TENM3: variants seen among roughly 807,000 people sequenced by gnomAD.
TENM3 encodes the protein teneurin transmembrane protein 3, also known as teneurin-3.
TENM3 carries 63 observed loss-of-function variants against 255.1 expected under a neutral mutation model. That is an observed-to-expected ratio of 0.25 (90% CI 0.20 to 0.30). The LOEUF (loss-of-function observed/expected upper bound fraction) is 0.30. TENM3 is among the 10% of genes least tolerant of loss of function. The pLI is 1.00. For synonymous variants in TENM3, 1,306 were observed against 1,322.3 expected, an observed-to-expected ratio of 0.99 and a Z score of 0.27; for missense variants, 2,929 against 3,461.1, an observed-to-expected ratio of 0.85 and a Z score of 3.86.
the TENM3 span, among the ~76,000 whole-genome samples, chr4:181,472,332 C>T: frequency 6.6e-6 from 1 of 150,886 alleles, no homozygotes; most frequent in African/African-American, 2.4e-5. Context: ...GGTGGAAGGA[C>T]CCTTACAACA....
chr4:182,139,943 G>A (rs1044723078), upstream of TENM3, among the ~76,000 whole-genome samples: 3 of 152,248 alleles, frequency 2.0e-5, no homozygotes, highest in African/African-American at 7.2e-5. Flanking sequence ...CATGCACATT[G>A]AGAGAGGCTT....
chr4:181,967,057 T>A, the TENM3 span, among the ~76,000 whole-genome samples: 1 of 152,074 alleles, frequency 6.6e-6, no homozygotes, highest in Non-Finnish European at 1.5e-5. Context: ...TTTCTTTTCA[T>A]GCAGTTATGT....
intron 4 of TENM3, among the ~76,000 whole-genome samples, chr4:182,620,487 C>G (rs1750013790): frequency 6.6e-6 from 1 of 152,180 alleles, no homozygotes; most frequent in Non-Finnish European, 1.5e-5. Flanking sequence ...CAAATATTCT[C>G]TGCTATAGAA....
the TENM3 span, among the ~76,000 whole-genome samples, chr4:182,102,786 C>T: frequency 1.3e-5 from 2 of 152,150 alleles, no homozygotes; most frequent in Admixed American, 1.3e-4. Context: ...CTTCAGTCTC[C>T]TTACCTATAA....
At chr4:181,582,680 A>G in the TENM3 span, among the ~76,000 whole-genome samples, 5 of 147,874 alleles carry the variant, frequency 3.4e-5, no homozygotes, top group African/African-American at 1.0e-4. Flanking sequence ...AAAAAAAAAA[A>G]AAAAAAGAAA....
intron 1 of TENM3, among the ~76,000 whole-genome samples, chr4:182,296,773 T>G (rs905682139): frequency 6.6e-6 from 1 of 152,168 alleles, no homozygotes; most frequent in Non-Finnish European, 1.5e-5. Flanking sequence ...AGAGCTCAAT[T>G]TTTTTTTCTT....
chr4:182,503,993 A>T (rs113647169), intron 3 of TENM3, among the ~76,000 whole-genome samples: 1 of 151,598 alleles, frequency 6.6e-6, no homozygotes, highest in Non-Finnish European at 1.5e-5. Context: ...ACTATCTGAC[A>T]TATTATCTAA....
At chr4:182,533,102 G>A (rs1739936044) in intron 3 of TENM3, among the ~76,000 whole-genome samples, 1 of 152,204 alleles carries the variant, frequency 6.6e-6, no homozygotes, top group Non-Finnish European at 1.5e-5. Flanking sequence ...ATTGTAGCAG[G>A]TAAACTTTCA....
At chr4:182,160,077 A>G (rs1241564751) in intron 1 of TENM3, among the ~76,000 whole-genome samples, 4 of 149,472 alleles carry the variant, frequency 2.7e-5, no homozygotes, top group Non-Finnish European at 4.5e-5. Context: ...ATCTCGGCTC[A>G]CTGCAAGCTC....
At chr4:181,830,160 G>A in the TENM3 span, among the ~76,000 whole-genome samples, 1 of 152,216 alleles carries the variant, frequency 6.6e-6, no homozygotes, top group African/African-American at 2.4e-5. Flanking sequence ...AAAGCTTTCT[G>A]TGTGAGCTTT....
chr4:181,739,615 T>C, the TENM3 span, among the ~76,000 whole-genome samples: 1 of 152,272 alleles, frequency 6.6e-6, no homozygotes, highest in Admixed American at 6.5e-5. Flanking sequence ...TGCCTCTATA[T>C]AAGCTTTCCA....
the TENM3 span, among the ~76,000 whole-genome samples, chr4:182,062,643 T>C: frequency 1.3e-5 from 2 of 152,230 alleles, no homozygotes; most frequent in Non-Finnish European, 2.9e-5. Context: ...ACTATTTGTC[T>C]GTCATAGAGA....
chr4:181,907,055 A>C, the TENM3 span, among the ~76,000 whole-genome samples: 1 of 151,414 alleles, frequency 6.6e-6, no homozygotes. Context: ...ATGCCACCGC[A>C]CTCTATTTTT....
At chr4:181,720,212 CAAAT>C in the TENM3 span, among the ~76,000 whole-genome samples, 2 of 152,144 alleles carry the variant, frequency 1.3e-5, no homozygotes, top group African/African-American at 2.4e-5. Context: ...ATACTAATAA[CAAAT>C]AAGTTTCCAT....
intron 1 of TENM3, among the ~76,000 whole-genome samples, chr4:182,161,289 G>A (rs1355723634): frequency 7.4e-5 from 10 of 135,860 alleles, no homozygotes; most frequent in Admixed American, 1.5e-4. Flanking sequence ...GGTGGCGGGC[G>A]CCTGTAGTCC....
chr4:182,351,180 T>C (rs988106523), intron 3 of TENM3, among the ~76,000 whole-genome samples: 1 of 151,668 alleles, frequency 6.6e-6, no homozygotes, highest in Non-Finnish European at 1.5e-5. Flanking sequence ...GTGCAGAAAA[T>C]CCAAAGAAGG....
At chr4:182,188,374 A>G (rs1207059052) in intron 1 of TENM3, among the ~76,000 whole-genome samples, 1 of 152,088 alleles carries the variant, frequency 6.6e-6, no homozygotes, top group Admixed American at 6.6e-5. Context: ...TGAGCATCCA[A>G]GTCATCTTCT....
chr4:182,060,679 G>T, the TENM3 span, among the ~76,000 whole-genome samples: 4 of 152,208 alleles, frequency 2.6e-5, no homozygotes, highest in Non-Finnish European at 5.9e-5. Flanking sequence ...CAATTTAAAA[G>T]TTCAACTTGT....
At chr4:182,372,065 A>G (rs1441774874) in intron 3 of TENM3, among the ~76,000 whole-genome samples, 1 of 152,252 alleles carries the variant, frequency 6.6e-6, no homozygotes, top group African/African-American at 2.4e-5. Context: ...TAGATAAATT[A>G]TGCAAACTCT....
Sources: allele counts gnomAD v4.1 joint callset (sites outside exome capture counted in the v4.1 genomes callset), GRCh38; gene constraint gnomAD v4.1.1; transcripts MANE v1.5; gene names NCBI Gene and HGNC (gene_info 2026-07-23, HGNC 2026-07-21).